Variants in CR1L observed in about 807,000 individuals in gnomAD.
CR1L encodes complement component receptor 1-like protein.
In CR1L, 59 loss-of-function variants were observed where a neutral mutation model predicts 62.3. The observed-to-expected ratio is 0.95, with a 90% CI of 0.77 to 1.18. The LOEUF is 1.18. Among genes scored for constraint, CR1L ranks in the 50% most tolerant of loss-of-function variants. The probability of loss-of-function intolerance (pLI) is 0.00; values close to 1 mark genes in which losing one functional copy is unlikely to be tolerated. For synonymous variants in CR1L, 279 were observed against 248.7 expected, an observed-to-expected ratio of 1.12 and a Z score of -1.15; for missense variants, 700 against 702.8, an observed-to-expected ratio of 1.00 and a Z score of 0.04.
chr1:207,678,102 G>A (rs1455414970), intron 2 of CR1L, 96 bp from the exon 3 acceptor site: 5 of 1,067,370 alleles, frequency 4.7e-6, no homozygotes, highest in Non-Finnish European at 5.7e-6. Context: ...AACTGCATGT[G>A]TTCCTCAGTA....
chr1:207,684,076 G>A (rs1231532548), intron 4 of CR1L, 119 bp downstream of exon 4: 5 of 887,350 alleles, frequency 5.6e-6, no homozygotes, highest in Admixed American at 2.5e-5. Context: ...GCTGAAGACA[G>A]CCATAATGTT....
At chr1:207,698,774 G>C (rs1401146644) in intron 7 of CR1L, among the ~76,000 whole-genome samples, 1 of 152,174 alleles carries the variant, frequency 6.6e-6, no homozygotes, top group Non-Finnish European at 1.5e-5. Context: ...GACAATCTCT[G>C]TTCTCTCGCC....
intron 4 of CR1L, among the ~76,000 whole-genome samples, chr1:207,687,599 T>C (rs183502096): frequency 1.5e-4 from 23 of 152,322 alleles, no homozygotes; most frequent in Admixed American, 3.9e-4. Flanking sequence ...AATCAAAAAA[T>C]AGGTACTCTT....
chr1:207,645,392 G>A, intron 1 of CR1L, 62 bp downstream of exon 1: 1 of 1,571,198 alleles, frequency 6.4e-7, no homozygotes, highest in Non-Finnish European at 8.8e-7. Flanking sequence ...CAGTCAGTCG[G>A]GCAGGAGGCG....
rs1289925190 is a variant in CR1L at position 207,645,213 on chromosome 1, A to G, written c.-21A>G. Reference sequence around the variant, plus strand: ...TTCTCTGCTCACCTCCGGATAAATCACGGGGTCTCCCGCGCCGCTCATGGC... The same window carrying G: ...TTCTCTGCTCACCTCCGGATAAATCGCGGGGTCTCCCGCGCCGCTCATGGC... On this transcript the variant is annotated 5_prime_UTR_variant, in exon 1 of 12. Coordinates refer to ENST00000508064, the MANE Select transcript of CR1L (RefSeq NM_175710.2). 2 of 1,611,460 alleles carry G rather than the reference A, an allele frequency of 1.2e-6. No individual in the cohort carries two copies. Among genetic ancestry groups the G allele is most frequent in the Non-Finnish European group, 8.5e-7 (1 of 1,179,500 alleles).
chr1:207,705,546 C>A (rs763799956), intron 9 of CR1L, among the ~76,000 whole-genome samples: 1 of 152,210 alleles, frequency 6.6e-6, no homozygotes, highest in Non-Finnish European at 1.5e-5. Flanking sequence ...AGAAAGGAAG[C>A]TTGTGGTGTC....
chr1:207,706,930 T>C (rs529042352), intron 9 of CR1L, among the ~76,000 whole-genome samples: 9 of 152,238 alleles, frequency 5.9e-5, no homozygotes, highest in African/African-American at 1.9e-4. Flanking sequence ...AGTCATAGAA[T>C]ATATCAATAG....
At chr1:207,671,635 C>G (rs1663616664) in intron 1 of CR1L, among the ~76,000 whole-genome samples, 1 of 150,868 alleles carries the variant, frequency 6.6e-6, no homozygotes, top group Non-Finnish European at 1.5e-5. Context: ...TCAGTTAAAA[C>G]AATAAACGGG....
chr1:207,701,327 G>A (rs1302776082), intron 8 of CR1L, among the ~76,000 whole-genome samples, 192 bp from the exon 9 acceptor site: 2 of 152,136 alleles, frequency 1.3e-5, no homozygotes, highest in East Asian at 1.9e-4. Context: ...TGGAGGGAAG[G>A]TCTTTTTGAA....
Position 207,697,497 on chromosome 1 carries a change from C to A in CR1L, c.863-6C>A. ...AATTAGCAGTACTTTGTTTCTCTCT[C>A]CCCAGTATGTCAGCCACCTCCAGAT... is the stretch of plus-strand genomic sequence containing the variant. On this transcript the variant is annotated splice_polypyrimidine_tract_variant and splice_region_variant and intron_variant, in intron 5 of 11. Transcript: ENST00000508064. The A allele has an allele frequency of 1.2e-6, 2 of 1,613,756 alleles. No individual in the cohort carries two copies. The highest frequency in any genetic ancestry group is 1.7e-6 in the Non-Finnish European group (2 of 1,179,724).
At chr1:207,679,724 A>G (rs71635151) in intron 3 of CR1L, among the ~76,000 whole-genome samples, 8 of 152,212 alleles carry the variant, frequency 5.3e-5, no homozygotes, top group African/African-American at 9.7e-5. Flanking sequence ...GAATGGATAA[A>G]CTGTGGTACA....
intron 1 of CR1L, among the ~76,000 whole-genome samples, chr1:207,674,504 C>T (rs1192869978): frequency 2.6e-5 from 4 of 152,086 alleles, no homozygotes; most frequent in Non-Finnish European, 4.4e-5. Context: ...TTGTTGAAGG[C>T]TCATATGTTC....
At chr1:207,701,647 C>A (rs749970067) in intron 9 of CR1L, 29 bp downstream of exon 9, 11 of 1,611,618 alleles carry the variant, frequency 6.8e-6, no homozygotes, top group South Asian at 2.2e-5. Context: ...CTCTTGGTTC[C>A]AGAGTTCCAG....
At chr1:207,648,202 C>CACACACACAG (rs1331518112) in intron 1 of CR1L, among the ~76,000 whole-genome samples, 6 of 37,464 alleles carry the variant, frequency 1.6e-4, no homozygotes, top group Non-Finnish European at 3.2e-4. Flanking sequence ...CACACACACA[C>CACACACACAG]ACAGACACAC....
chr1:207,706,435 G>A (rs989068347), intron 9 of CR1L, among the ~76,000 whole-genome samples: 2 of 151,636 alleles, frequency 1.3e-5, no homozygotes, highest in Non-Finnish European at 2.9e-5. Flanking sequence ...AAAAGAAAAA[G>A]AGAAGACGTA....
At chr1:207,687,758 G>A (rs113902311) in intron 4 of CR1L, among the ~76,000 whole-genome samples, 24 of 152,094 alleles carry the variant, frequency 1.6e-4, no homozygotes, top group Non-Finnish European at 3.1e-4. Context: ...CCAAACTTTT[G>A]TCTGTTATTT....
intron 4 of CR1L, among the ~76,000 whole-genome samples, chr1:207,691,469 A>G (rs1663995801): frequency 6.6e-6 from 1 of 151,886 alleles, no homozygotes; most frequent in African/African-American, 2.4e-5. Context: ...GAAACATTTA[A>G]ATTTAATAAT....
At chr1:207,699,510 C>T (rs925036504) in intron 8 of CR1L, among the ~76,000 whole-genome samples, 2 of 152,158 alleles carry the variant, frequency 1.3e-5, no homozygotes, top group Admixed American at 6.6e-5. Context: ...ATCCTATGGT[C>T]GTGTGCTTCT....
intron 7 of CR1L, 94 bp downstream of exon 7, chr1:207,697,967 G>GACAC (rs1238756679): frequency 6.5e-7 from 1 of 1,546,272 alleles, no homozygotes; most frequent in African/African-American, 1.4e-5. Flanking sequence ...AAAAAAGACA[G>GACAC]ACAGACAGAC....
Sources: gnomAD v4.1 joint callset for allele counts (sites outside exome capture counted in the v4.1 genomes callset) on GRCh38, gnomAD v4.1.1 for gene constraint, MANE v1.5 for transcripts, NCBI Gene and HGNC (gene_info 2026-07-23, HGNC 2026-07-21) for gene names.